Variants in CREBBP observed in about 807,000 individuals in gnomAD.
CREBBP encodes the protein CREB binding lysine acetyltransferase.
Under a neutral mutation model 265.0 loss-of-function variants are expected in CREBBP, and 19 were observed. The ratio of observed to expected loss-of-function variants is 0.07; its 90% CI spans 0.05 to 0.11. CREBBP has a LOEUF of 0.11. Ranked by LOEUF, CREBBP falls within the 10% of genes least tolerant of loss-of-function variation. The probability of loss-of-function intolerance (pLI) is 1.00; values close to 1 mark genes in which losing one functional copy is unlikely to be tolerated. For synonymous variants in CREBBP, 1,457 were observed against 1,223.7 expected, an observed-to-expected ratio of 1.19 and a Z score of -3.98; for missense variants, 2,525 against 3,219.0, an observed-to-expected ratio of 0.78 and a Z score of 5.22.
At chr16:3,735,197 C>T (rs1235781005) in intron 28 of CREBBP, among the ~76,000 whole-genome samples, 6 of 152,218 alleles carry the variant, frequency 3.9e-5, no homozygotes, top group Non-Finnish European at 5.9e-5. Flanking sequence ...GGCTCCTTCC[C>T]CTTCAGAGCT....
chr16:3,849,422 T>TGTGTGTGTGTGTGTGTGTG (rs2054745911), intron 2 of CREBBP, among the ~76,000 whole-genome samples: 1 of 7,078 alleles, frequency 1.4e-4, no homozygotes, highest in Admixed American at 2.6e-3. Flanking sequence ...TGTGTGTGTG[T>TGTGTGTGTGTGTGTGTGTG]GTGTGTGTGT....
At chr16:3,774,228 T>A (rs965208505) in intron 12 of CREBBP, among the ~76,000 whole-genome samples, 1 of 152,182 alleles carries the variant, frequency 6.6e-6, no homozygotes, top group African/African-American at 2.4e-5. Flanking sequence ...TTCTCTAAAG[T>A]GTTTAGAAAG....
intron 1 of CREBBP, 50 bp downstream of exon 1, chr16:3,879,782 G>T: frequency 6.5e-7 from 1 of 1,530,036 alleles, no homozygotes; most frequent in Non-Finnish European, 8.9e-7. Flanking sequence ...TCTTTCAGGT[G>T]GGGGTGACAG....
chr16:3,810,786 CA>C lies in CREBBP; in HGVS notation c.799-8del, dbSNP rs746226436. The C allele has an allele frequency of 1.9e-6, 3 of 1,612,344 alleles. No individual in the cohort carries two copies. The highest frequency in any genetic ancestry group is 2.5e-6 in the Non-Finnish European group (3 of 1,179,488). On this transcript the variant is annotated splice_polypyrimidine_tract_variant and splice_region_variant and intron_variant, in intron 2 of 30. Transcript: ENST00000262367. ...TGTTCCCAGTTATTCCCATCTGAAA[CA>C]AAAAAGAGGTAACATCAGCTGTGGT... is the stretch of plus-strand genomic sequence containing the variant.
At chr16:3,825,811 CA>C (rs1396314865) in intron 2 of CREBBP, among the ~76,000 whole-genome samples, 17 of 152,186 alleles carry the variant, frequency 1.1e-4, no homozygotes, top group African/African-American at 4.1e-4. Context: ...TGTGTATCTT[CA>C]AAAGCATAGA....
In CREBBP at chr16:3,794,289, G is replaced by A. The variant is rs192975046; in HGVS notation, c.976-663C>T. On this transcript the variant is annotated intron_variant, in intron 3 of 30. Transcript: ENST00000262367. ...GGAGCTTGCAGTGAGCTGAGATGGCGCCACCGCACTCCAGCCTGGGCGACA... is the reference window on the plus strand; with the variant it reads ...GGAGCTTGCAGTGAGCTGAGATGGCACCACCGCACTCCAGCCTGGGCGACA... Among the ~76,000 whole-genome samples, 10 of 126,594 alleles carry A rather than the reference G, an allele frequency of 7.9e-5. No individual in the cohort carries two copies. The Admixed American group carries it at 8.6e-4, about 11-fold the overall frequency. The allele number at this position is 126,594 out of a possible 152,430, so 83.1% of individuals were successfully genotyped here.
chr16:3,880,407 C>G lies in CREBBP; in HGVS notation c.-491G>C, dbSNP rs1171915426. The G allele has an allele frequency of 6.9e-6, 1 of 145,508 alleles. No homozygotes were observed. The highest frequency in any genetic ancestry group is 1.5e-5 in the Non-Finnish European group (1 of 65,430). 9.0% of individuals were successfully genotyped at this position (145,508 alleles called of 1,614,324 possible). ...GGCTCCGCTCCCGGCCCGCGGCCCG[C>G]CGCCGCCGCCGCCGTGAGGAAAAAC... On this transcript the variant is annotated 5_prime_UTR_variant, in exon 1 of 31. Coordinates refer to ENST00000262367, the MANE Select transcript of CREBBP (RefSeq NM_004380.3).
intron 3 of CREBBP, among the ~76,000 whole-genome samples, chr16:3,795,819 T>C (rs1409043809): frequency 4.6e-5 from 7 of 152,154 alleles, no homozygotes; most frequent in Admixed American, 1.3e-4. Flanking sequence ...ACTCTTTCTT[T>C]TACGTTTATG....
At chr16:3,863,421 G>A (rs1485652860) in intron 1 of CREBBP, among the ~76,000 whole-genome samples, 1 of 152,058 alleles carries the variant, frequency 6.6e-6, no homozygotes, top group African/African-American at 2.4e-5. Context: ...TGGCCAACAT[G>A]GTGAAACCTC....
intron 27 of CREBBP, 180 bp from the exon 28 acceptor site, chr16:3,736,383 G>A (rs1397001831): frequency 2.6e-6 from 2 of 763,224 alleles, no homozygotes; most frequent in Non-Finnish European, 4.4e-6. Flanking sequence ...CACAGTGCTG[G>A]AGCCCCTATG....
intron 15 of CREBBP, among the ~76,000 whole-genome samples, chr16:3,768,174 CAG>C (rs1295401532): frequency 5.6e-5 from 3 of 53,332 alleles, no homozygotes; most frequent in Non-Finnish European, 9.2e-5. Flanking sequence ...TTTTTTGAGA[CAG>C]AGTCTAACAC....
chr16:3,745,015 AC>A (rs1667601846), intron 22 of CREBBP, 54 bp from the exon 23 acceptor site: 1 of 1,331,678 alleles, frequency 7.5e-7, no homozygotes, highest in Admixed American at 1.7e-5. Flanking sequence ...AAATTGTCAA[AC>A]CAACAAAATG....
chr16:3,788,839 G>T (rs749308797), intron 5 of CREBBP, among the ~76,000 whole-genome samples: 1 of 152,140 alleles, frequency 6.6e-6, no homozygotes, highest in Non-Finnish European at 1.5e-5. Context: ...GCAGTCCCAG[G>T]TACTCAGGAG....
At chr16:3,791,775 A>C (rs1242190805) in intron 5 of CREBBP, among the ~76,000 whole-genome samples, 2 of 152,176 alleles carry the variant, frequency 1.3e-5, no homozygotes, top group Non-Finnish European at 2.9e-5. Flanking sequence ...TGAGTGAGTC[A>C]GGGTCCAACA....
At chr16:3,849,525 CTTTTTTTT>C (rs140938515) in intron 2 of CREBBP, among the ~76,000 whole-genome samples, 9 of 6,556 alleles carry the variant, frequency 1.4e-3, no homozygotes, top group Non-Finnish European at 2.3e-3. Context: ...GAGGCTGCTG[CTTTTTTTT>C]TTTTTTTTTT....
intron 19 of CREBBP, among the ~76,000 whole-genome samples, chr16:3,753,307 ATT>A (rs1167916688): frequency 6.6e-6 from 1 of 152,218 alleles, no homozygotes; most frequent in East Asian, 1.9e-4. Flanking sequence ...TACATTGAGC[ATT>A]TTGTCTGTTG....
chr16:3,871,064 G>C (rs1170306686), intron 1 of CREBBP, among the ~76,000 whole-genome samples: 1 of 139,710 alleles, frequency 7.2e-6, no homozygotes, highest in Non-Finnish European at 1.6e-5. Flanking sequence ...AAAAAAAGAA[G>C]GAAGGAAGGA....
At chr16:3,879,685 C>A in intron 1 of CREBBP, 147 bp downstream of exon 1, 2 of 895,424 alleles carry the variant, frequency 2.2e-6, no homozygotes, top group Non-Finnish European at 3.6e-6. Flanking sequence ...CTTCCACCCT[C>A]CCGCGCGGGG....
At chr16:3,745,887 A>G (rs2052330520) in intron 21 of CREBBP, among the ~76,000 whole-genome samples, 2 of 152,282 alleles carry the variant, frequency 1.3e-5, no homozygotes, top group South Asian at 4.1e-4. Flanking sequence ...AAAAGGTGGA[A>G]TGTGTCAGGC....
Sources: gnomAD v4.1 joint callset for allele counts (sites outside exome capture counted in the v4.1 genomes callset) on GRCh38, gnomAD v4.1.1 for gene constraint, MANE v1.5 for transcripts, NCBI Gene and HGNC (gene_info 2026-07-23, HGNC 2026-07-21) for gene names.